The following AGAP3 variants were observed in gnomAD, a reference collection of about 807,000 sequenced individuals.
AGAP3 encodes the protein arf-GAP with GTPase, ANK repeat and PH domain-containing protein 3.
In AGAP3, 24 loss-of-function variants were observed where a neutral mutation model predicts 96.9. That is an observed-to-expected ratio of 0.25 (90% CI 0.18 to 0.35). The LOEUF (loss-of-function observed/expected upper bound fraction) is 0.35, where lower values mean the gene tolerates loss of function less well. AGAP3 is among the 10% of genes least tolerant of loss of function. AGAP3 has a pLI of 1.00. For synonymous variants in AGAP3, 563 were observed against 536.1 expected (o/e 1.05, Z -0.69); for missense variants, 876 against 1,254.2 (o/e 0.70, Z 4.55).
At position 151,133,538 on chromosome 7, in the gene AGAP3, G is replaced by T. The variant is rs1032874166; in HGVS notation, c.1327-862G>T. Among the ~76,000 whole-genome samples the T allele has an allele frequency of 6.6e-6, 1 of 150,792 alleles. No homozygotes were observed. Among genetic ancestry groups the T allele is most frequent in the Non-Finnish European group, 1.5e-5 (1 of 67,628 alleles). On this transcript the variant is annotated intron_variant, in intron 10 of 17. Transcript: ENST00000397238. This position sits in a 1 kb window ranked among gnomAD's most constrained non-coding sequence, Gnocchi z 5.4. ...CTGACTTGAAAGCAGGGTGAGTCCC[G>T]GGCCCAGGACAGGCTGGAGGAAGCC...
At position 151,125,412 on chromosome 7, in the gene AGAP3, CTTAGAG is replaced by C. The variant is rs138902921; in HGVS notation, c.1221+1531_1221+1536del. ...CTTGAACCTGGGGTTCTGGTCCAGT[CTTAGAG>C]TTAGTAGGTCACTTGGGTGTTTTCA... On this transcript the variant is annotated intron_variant, in intron 9 of 17. Coordinates refer to ENST00000397238, the MANE Select transcript of AGAP3 (RefSeq NM_031946.7). Among the ~76,000 whole-genome samples the C allele has an allele frequency of 7.6e-3, 1,157 of 152,286 alleles. 14 individuals carry two copies. The highest frequency in any genetic ancestry group is 0.027 in the African/African-American group (1,103 of 41,532).
intron 1 of AGAP3, among the ~76,000 whole-genome samples, chr7:151,116,024 G>T (rs1181691444): frequency 6.6e-6 from 1 of 152,340 alleles, no homozygotes; most frequent in South Asian, 2.1e-4. Context: ...CAGTGCCTCT[G>T]GGAGCCAGGG....
At chr7:151,119,943 G>C (rs1487169812) in intron 7 of AGAP3, 44 bp from the exon 8 acceptor site, 3 of 1,603,052 alleles carry the variant, frequency 1.9e-6, no homozygotes, top group Non-Finnish European at 2.6e-6. Flanking sequence ...TGCCCGTCCC[G>C]CCCCTGACCC....
chr7:151,119,589 C>T lies in AGAP3; in HGVS notation c.970-398C>T, dbSNP rs186539743. ...GCCTCCTGCACTCTAAACATACATACCTGAATGTGAGAGTTTGTCCGGGGT... is the reference window on the plus strand; with the variant it reads ...GCCTCCTGCACTCTAAACATACATATCTGAATGTGAGAGTTTGTCCGGGGT... On this transcript the variant is annotated intron_variant, in intron 7 of 17. Transcript: ENST00000397238. Among the ~76,000 whole-genome samples the T allele has an allele frequency of 3.9e-4, 59 of 152,338 alleles. No individual in the cohort carries two copies. In the East Asian group the frequency reaches 7.5e-3, roughly 19 times the overall value.
intron 1 of AGAP3, among the ~76,000 whole-genome samples, chr7:151,110,945 A>G (rs1296423829): frequency 6.6e-6 from 1 of 152,064 alleles, no homozygotes; most frequent in Non-Finnish European, 1.5e-5. Context: ...CTGCTGCTGC[A>G]GCAACTCGAG....
intron 1 of AGAP3, among the ~76,000 whole-genome samples, chr7:151,103,294 C>G (rs138777830): frequency 6.6e-6 from 1 of 152,278 alleles, no homozygotes; most frequent in African/African-American, 2.4e-5. Context: ...GGCTTTGGAG[C>G]CTGTGCTGCC....
At chr7:151,115,084 G>GC in intron 1 of AGAP3, 1 of 1,028,542 alleles carries the variant, frequency 9.7e-7, no homozygotes, top group Non-Finnish European at 1.2e-6. Context: ...CCCGCGTCCA[G>GC]CCCCGCGCCG....
intron 2 of AGAP3, 35 bp downstream of exon 2, chr7:151,116,886 G>C (rs534034525): frequency 6.2e-7 from 1 of 1,604,466 alleles, no homozygotes; most frequent in South Asian, 1.1e-5. Context: ...CGGCGGCCTG[G>C]AGCTGGGGGG....
In AGAP3 at chr7:151,139,403, C is replaced by G. The variant is rs905954592; in HGVS notation, c.1667-576C>G. 2.6e-5 allele frequency among the ~76,000 whole-genome samples: 4 copies of G among 152,184 alleles called. No homozygotes were observed. The highest frequency in any genetic ancestry group is 7.2e-5 in the African/African-American group (3 of 41,450). On this transcript the variant is annotated intron_variant, in intron 12 of 17. Coordinates refer to ENST00000397238, the MANE Select transcript of AGAP3 (RefSeq NM_031946.7). This position sits in a 1 kb window ranked among gnomAD's most constrained non-coding sequence, Gnocchi z 4.9. Reference sequence around the variant, plus strand: ...AGCCAGGGGCCCTTCCCTTGGGTCACCGGTCCGGTGGCCTGTGCTGGCCTG... The same window carrying G: ...AGCCAGGGGCCCTTCCCTTGGGTCAGCGGTCCGGTGGCCTGTGCTGGCCTG...
chr7:151,115,073 C>T (rs1435817451), intron 1 of AGAP3: 3 of 1,021,442 alleles, frequency 2.9e-6, no homozygotes, highest in South Asian at 3.6e-5. Flanking sequence ...CTGCGCCCAG[C>T]CCCGCGTCCA....
At chr7:151,136,145 G>A (rs1800584723) in intron 11 of AGAP3, 1 of 152,350 alleles carries the variant, frequency 6.6e-6, no homozygotes, top group African/African-American at 2.4e-5. Context: ...CGGCCCCCAG[G>A]AGCCCCTTTG....
chr7:151,088,792 C>G (rs1390355313), intron 1 of AGAP3, among the ~76,000 whole-genome samples: 3 of 152,192 alleles, frequency 2.0e-5, no homozygotes, highest in African/African-American at 7.2e-5. Flanking sequence ...AAGGCTGATT[C>G]CTGGGGCGCC....
At chr7:151,130,700 T>C (rs1800369404) in intron 10 of AGAP3, among the ~76,000 whole-genome samples, 1 of 152,082 alleles carries the variant, frequency 6.6e-6, no homozygotes, top group Non-Finnish European at 1.5e-5. Flanking sequence ...CCCCGAAGCA[T>C]ACTGGGCTAC....
At chr7:151,121,067 C>T (rs976795622) in intron 8 of AGAP3, 12 of 166,260 alleles carry the variant, frequency 7.2e-5, no homozygotes, top group South Asian at 1.7e-4. Flanking sequence ...AGCCTGGGCC[C>T]GAGTGCGGCC....
chr7:151,112,572 G>A (rs879269486), intron 1 of AGAP3, among the ~76,000 whole-genome samples: 1 of 151,952 alleles, frequency 6.6e-6, no homozygotes, highest in Non-Finnish European at 1.5e-5. Flanking sequence ...CGTCTCCAGA[G>A]GTCGGCTCCC....
intron 8 of AGAP3, chr7:151,120,909 A>C (rs1585082115): frequency 2.0e-6 from 2 of 998,846 alleles, no homozygotes; most frequent in Non-Finnish European, 1.2e-6. Context: ...GCCCATCCAA[A>C]CCCTAATCCT....
At chr7:151,123,531 G>C in intron 8 of AGAP3, 2 of 1,282,052 alleles carry the variant, frequency 1.6e-6, no homozygotes, top group Non-Finnish European at 2.0e-6. Context: ...CGTGCTCCTC[G>C]CGCCCTCGGC....
chr7:151,115,370 G>A, intron 1 of AGAP3: 1 of 1,022,580 alleles, frequency 9.8e-7, no homozygotes, highest in African/African-American at 1.7e-5. Flanking sequence ...GCCAGGAGGT[G>A]CGGCGCTCCG....
chr7:151,106,500 G>T (rs1799059928), intron 1 of AGAP3, among the ~76,000 whole-genome samples: 1 of 151,754 alleles, frequency 6.6e-6, no homozygotes, highest in Non-Finnish European at 1.5e-5. Flanking sequence ...TTGTTTTTAA[G>T]ATGGAGTTGC....
Sources: gnomAD v4.1 joint callset for allele counts (sites outside exome capture counted in the v4.1 genomes callset) on GRCh38, gnomAD v4.1.1 for gene constraint, Gnocchi (gnomAD v3.1) non-coding constraint, MANE v1.5 for transcripts, NCBI Gene and HGNC (gene_info 2026-07-23, HGNC 2026-07-21) for gene names.